RSU1: variants seen among roughly 807,000 people sequenced by gnomAD.
RSU1 encodes rsu-1.
Under a neutral mutation model 31.1 loss-of-function variants are expected in RSU1, and 26 were observed. The observed-to-expected ratio is 0.84, with a 90% CI of 0.61 to 1.16. The LOEUF (loss-of-function observed/expected upper bound fraction) is 1.16. RSU1 is among the 50% of genes most tolerant of loss of function. The pLI, the probability that RSU1 is intolerant of heterozygous loss-of-function variation, is 0.00. For missense variants in RSU1, 320 were observed against 339.1 expected (o/e 0.94, Z 0.44); for synonymous variants, 164 against 136.3 (o/e 1.20, Z -1.41).
chr10:16,629,104 T>C (rs544743587), intron 8 of RSU1, among the ~76,000 whole-genome samples: 122 of 152,266 alleles, frequency 8.0e-4, no homozygotes, highest in Non-Finnish European at 1.4e-3. Flanking sequence ...GGAGTCTGCC[T>C]GGGAGCCTGC....
Position 16,674,258 on chromosome 10 carries a change from T to C in RSU1, c.731+20765A>G, listed in dbSNP as rs551623057. Among the ~76,000 whole-genome samples the C allele has an allele frequency of 6.4e-4, 98 of 152,088 alleles. 1 individual carries two copies. Among genetic ancestry groups the C allele is most frequent in the Non-Finnish European group, 1.0e-3 (71 of 68,026 alleles). On this transcript the variant is annotated intron_variant, in intron 8 of 8. Coordinates refer to ENST00000345264, the MANE Select transcript of RSU1 (RefSeq NM_012425.4). ...GCGACTAGATTTGATGGGAAATAGC[T>C]GGTTGGGAAAGGCTGCAGCCTTGGA...
intron 8 of RSU1, among the ~76,000 whole-genome samples, chr10:16,680,734 T>C (rs982440805): frequency 1.3e-5 from 2 of 152,166 alleles, no homozygotes; most frequent in African/African-American, 2.4e-5. Flanking sequence ...GGATCTCCCT[T>C]CTGATCCAAA....
chr10:16,772,755 T>C (rs1463044641), intron 3 of RSU1, among the ~76,000 whole-genome samples: 3 of 152,140 alleles, frequency 2.0e-5, no homozygotes, highest in African/African-American at 7.2e-5. Context: ...TACATGCCTT[T>C]ACTATGTATA....
intron 7 of RSU1, among the ~76,000 whole-genome samples, chr10:16,728,486 A>G (rs143972882): frequency 2.7e-3 from 416 of 152,352 alleles, no homozygotes; most frequent in African/African-American, 9.4e-3. Context: ...AAGATGACAC[A>G]TAGGCCCATC....
At chr10:16,734,799 A>G (rs954467895) in intron 7 of RSU1, among the ~76,000 whole-genome samples, 1 of 152,226 alleles carries the variant, frequency 6.6e-6, no homozygotes, top group African/African-American at 2.4e-5. Flanking sequence ...CTAACCCTCA[A>G]TATCTCAGAA....
chr10:16,812,678 G>A (rs1394139516), intron 2 of RSU1, among the ~76,000 whole-genome samples: 1 of 151,850 alleles, frequency 6.6e-6, no homozygotes, highest in African/African-American at 2.4e-5. Flanking sequence ...GGTTGTTTTC[G>A]AGATTTATCT....
In RSU1 at chr10:16,689,394, G is replaced by C. The variant is rs113079975; in HGVS notation, c.731+5629C>G. Among the ~76,000 whole-genome samples the C allele has an allele frequency of 9.2e-3, 1,406 of 152,334 alleles. 18 individuals are homozygous for C. Among genetic ancestry groups the C allele is most frequent in the African/African-American group, 0.031 (1,277 of 41,578 alleles). On this transcript the variant is annotated intron_variant, in intron 8 of 8. Coordinates refer to ENST00000345264, the MANE Select transcript of RSU1 (RefSeq NM_012425.4). ...CTTGTGGTGGACTGGTTGTATCAGT[G>C]AAGTTATTTAAAGAATTTCTAGGCC...
intron 7 of RSU1, among the ~76,000 whole-genome samples, chr10:16,740,119 T>C (rs559395719): frequency 6.6e-6 from 1 of 151,994 alleles, no homozygotes; most frequent in African/African-American, 2.4e-5. Context: ...GACTCGATAG[T>C]CCTGAAACAA....
chr10:16,658,027 T>C (rs1834821694), intron 8 of RSU1, among the ~76,000 whole-genome samples: 1 of 152,106 alleles, frequency 6.6e-6, no homozygotes, highest in Admixed American at 6.5e-5. Context: ...TCCTGTCTCA[T>C]TGGTTCATGA....
At chr10:16,742,653 A>G (rs1446278516) in intron 7 of RSU1, among the ~76,000 whole-genome samples, 5 of 152,066 alleles carry the variant, frequency 3.3e-5, no homozygotes, top group Admixed American at 6.6e-5. Flanking sequence ...CACTGCCGGC[A>G]TTTCTCCCAG....
chr10:16,814,334 G>T (rs999851127), intron 2 of RSU1, among the ~76,000 whole-genome samples: 2 of 151,770 alleles, frequency 1.3e-5, no homozygotes, highest in African/African-American at 4.8e-5. Context: ...TATAGTCCCA[G>T]CTACTCGGGA....
At chr10:16,775,132 C>G (rs58353866) in intron 3 of RSU1, among the ~76,000 whole-genome samples, 2,234 of 152,324 alleles carry the variant, frequency 0.015, 65 homozygotes, top group African/African-American at 0.05. Context: ...CTCTATCATT[C>G]TGCACACATA....
chr10:16,623,395 GTA>G (rs1300564063), intron 8 of RSU1, among the ~76,000 whole-genome samples: 1 of 152,174 alleles, frequency 6.6e-6, no homozygotes, highest in Admixed American at 6.5e-5. Flanking sequence ...GTATTCAGTG[GTA>G]TATATGCATC....
chr10:16,738,408 G>A (rs1020848349), intron 7 of RSU1, among the ~76,000 whole-genome samples: 7 of 152,070 alleles, frequency 4.6e-5, no homozygotes, highest in African/African-American at 7.2e-5. Context: ...CCGAGATAGC[G>A]CCACTGGACT....
intron 8 of RSU1, among the ~76,000 whole-genome samples, chr10:16,628,619 T>C (rs1386802387): frequency 6.6e-6 from 1 of 152,226 alleles, no homozygotes; most frequent in Non-Finnish European, 1.5e-5. Flanking sequence ...GTATATTTTT[T>C]CTCAACAAGA....
At position 16,655,055 on chromosome 10, in the gene RSU1, TA is replaced by T. The variant is rs780658639; in HGVS notation, c.731+39967del. 2.4e-3 allele frequency among the ~76,000 whole-genome samples: 244 copies of T among 103,774 alleles called. 1 individual carries two copies. Among genetic ancestry groups the T allele is most frequent in the East Asian group, 3.2e-3 (12 of 3,712 alleles). 68.1% of individuals were successfully genotyped at this position (103,774 alleles called of 152,430 possible). On this transcript the variant is annotated intron_variant, in intron 8 of 8. Transcript: ENST00000345264. Reference sequence around the variant, plus strand: ...GCTGGGCAACAAAGACTTTGTCCCTTAAAAAAAAAAAAAAAAAAAAGAGAGA... The same window carrying T: ...GCTGGGCAACAAAGACTTTGTCCCTTAAAAAAAAAAAAAAAAAAAGAGAGA...
chr10:16,676,869 C>T (rs1160387970), intron 8 of RSU1, among the ~76,000 whole-genome samples: 1 of 152,104 alleles, frequency 6.6e-6, no homozygotes, highest in Non-Finnish European at 1.5e-5. Flanking sequence ...TAGATTTGTA[C>T]TTGTTGTACC....
Position 16,764,481 on chromosome 10 carries a change from T to C in RSU1, c.190A>G (p.Asn64Asp). 1.2e-6 allele frequency: 2 copies of C among 1,613,916 alleles called. No homozygotes were observed. The highest frequency in any genetic ancestry group is 2.2e-5 in the South Asian group (2 of 91,044). ...MVPPNIAELK[N>D]LEVLNFFNNQ... is the part of the protein sequence containing the mutation. ...TTAAAAAAGTTGAGCACCTCCAAAT[T>C]CTTCAGTTCTGCGATGTTCGGTGGC... The change falls in exon 4 of 9, where the codon AAT (asparagine) becomes GAT (aspartate). Residue 64 changes from asparagine (N) to aspartate (D), a missense_variant. Coordinates refer to ENST00000345264, the MANE Select transcript of RSU1 (RefSeq NM_012425.4).
At chr10:16,694,950 A>G in intron 8 of RSU1, 73 bp downstream of exon 8, 1 of 1,388,468 alleles carries the variant, frequency 7.2e-7, no homozygotes, top group Non-Finnish European at 9.9e-7. Flanking sequence ...CTGTCACATA[A>G]TATTTTTAAA....
Sources: gnomAD v4.1 joint callset for allele counts (sites outside exome capture counted in the v4.1 genomes callset) on GRCh38, gnomAD v4.1.1 for gene constraint, MANE v1.5 for transcripts, NCBI Gene and HGNC (gene_info 2026-07-23, HGNC 2026-07-21) for gene names.